The following CCDC178 variants were observed in gnomAD, a reference collection of about 807,000 sequenced individuals.
CCDC178 encodes the protein coiled-coil domain-containing protein 178.
CCDC178 carries 126 observed loss-of-function variants against 117.4 expected under a neutral mutation model. The ratio of observed to expected loss-of-function variants is 1.07; its 90% CI spans 0.93 to 1.24. The LOEUF (loss-of-function observed/expected upper bound fraction) is 1.24. Ranked by LOEUF, CCDC178 falls within the 50% of genes most tolerant of loss-of-function variation. The pLI, the probability that CCDC178 is intolerant of heterozygous loss-of-function variation, is 0.00. For synonymous variants in CCDC178, 283 were observed against 313.4 expected (o/e 0.90, Z 1.02); for missense variants, 1,030 against 986.9 (o/e 1.04, Z -0.59).
At chr18:33,394,951 A>ATATG (rs2063614075) in intron 4 of CCDC178, among the ~76,000 whole-genome samples, 1 of 111,832 alleles carries the variant, frequency 8.9e-6, no homozygotes, top group African/African-American at 3.6e-5. Context: ...GTGTATATAT[A>ATATG]TATATATATA....
chr18:33,154,183 T>C (rs547998684), intron 20 of CCDC178, among the ~76,000 whole-genome samples: 16 of 152,108 alleles, frequency 1.1e-4, no homozygotes, highest in African/African-American at 3.9e-4. Flanking sequence ...TGACCAAAAG[T>C]AGGCAGAACC....
At chr18:32,962,711 AT>A (rs962325092) in intron 22 of CCDC178, among the ~76,000 whole-genome samples, 2 of 151,538 alleles carry the variant, frequency 1.3e-5, no homozygotes, top group African/African-American at 4.8e-5. Flanking sequence ...TTACCTTGGT[AT>A]TTTTTTATGT....
chr18:33,194,057 G>A (rs928334414), intron 20 of CCDC178, among the ~76,000 whole-genome samples: 6 of 151,516 alleles, frequency 4.0e-5, no homozygotes, highest in Admixed American at 6.6e-5. Flanking sequence ...AACACCCTCC[G>A]AGGTCCCACC....
chr18:33,244,007 A>G (rs2059517930), intron 15 of CCDC178, among the ~76,000 whole-genome samples: 1 of 152,046 alleles, frequency 6.6e-6, no homozygotes. Flanking sequence ...ATGCATGCTT[A>G]CTTTGCTTAC....
In CCDC178 at chr18:33,223,175, C is replaced by G; in HGVS notation, c.1863G>C (p.Lys621Asn). Residue 621 changes from lysine to asparagine, a missense_variant, in exon 18 of 23, where the codon AAG becomes AAC. Coordinates refer to ENST00000383096, the MANE Select transcript of CCDC178 (RefSeq NM_001105528.4). The stretch of plus-strand genomic sequence containing the variant: ...GTAATTTTTTCTTTACTTTTCCCAC[C>G]TTTCTTCTAATAAGATCTTTCTGAT... Reference protein sequence around the residue: ...IIDQKDLIRRKVGKVKKKLRK... With the variant: ...IIDQKDLIRRNVGKVKKKLRK... 1 of 1,607,640 alleles carries G rather than the reference C, an allele frequency of 6.2e-7. No individual in the cohort carries two copies. The highest frequency in any genetic ancestry group is 1.7e-5 in the Admixed American group (1 of 59,646).
intron 21 of CCDC178, among the ~76,000 whole-genome samples, chr18:32,989,484 G>T (rs986440772): frequency 2.0e-5 from 3 of 152,108 alleles, no homozygotes; most frequent in African/African-American, 7.2e-5. Flanking sequence ...TCTGGAAAGA[G>T]CTAGATACTA....
rs150000349 is a variant in CCDC178 at position 33,329,657 on chromosome 18, G to A, written c.879+3517C>T. On this transcript the variant is annotated intron_variant, in intron 10 of 22. Coordinates refer to ENST00000383096, the MANE Select transcript of CCDC178 (RefSeq NM_001105528.4). ...GGGATAAATGCCATTTGTTCATGAT[G>A]TATAATCTTTTTAATATGCTGCTAG... 5.9e-5 allele frequency among the ~76,000 whole-genome samples: 9 copies of A among 152,216 alleles called. No individual in the cohort carries two copies. The East Asian group carries it at 1.7e-3, about 29-fold the overall frequency.
intron 12 of CCDC178, among the ~76,000 whole-genome samples, chr18:33,274,486 A>G (rs972583490): frequency 6.6e-6 from 1 of 151,956 alleles, no homozygotes; most frequent in African/African-American, 2.4e-5. Context: ...AGAGTCAAAA[A>G]AAGTGGAAAC....
At chr18:33,033,997 C>T (rs1347757294) in intron 21 of CCDC178, among the ~76,000 whole-genome samples, 1 of 151,634 alleles carries the variant, frequency 6.6e-6, no homozygotes, top group Non-Finnish European at 1.5e-5. Flanking sequence ...TTTGTAGATG[C>T]CAACCCACAC....
intron 11 of CCDC178, among the ~76,000 whole-genome samples, chr18:33,313,599 C>G (rs2062372200): frequency 2.0e-5 from 3 of 152,120 alleles, no homozygotes; most frequent in South Asian, 2.1e-4. Flanking sequence ...CCAGGAAGTC[C>G]TTTATAACTG....
chr18:33,011,996 T>G (rs533148446), intron 21 of CCDC178, among the ~76,000 whole-genome samples: 2 of 152,150 alleles, frequency 1.3e-5, no homozygotes, highest in South Asian at 4.2e-4. Context: ...ATGATTAACT[T>G]GGGCATGATC....
chr18:32,975,156 T>C (rs192598205), intron 21 of CCDC178, among the ~76,000 whole-genome samples: 212 of 152,334 alleles, frequency 1.4e-3, no homozygotes, highest in African/African-American at 4.8e-3. Flanking sequence ...AAGCTTACCA[T>C]TGCTTGGCAA....
At chr18:33,405,408 G>C (rs2063767653) in intron 3 of CCDC178, among the ~76,000 whole-genome samples, 1 of 151,138 alleles carries the variant, frequency 6.6e-6, no homozygotes, top group Non-Finnish European at 1.5e-5. Context: ...TTATATTCTA[G>C]TAAAATTTTA....
At chr18:33,406,225 G>T (rs2063778922) in intron 3 of CCDC178, among the ~76,000 whole-genome samples, 1 of 151,892 alleles carries the variant, frequency 6.6e-6, no homozygotes, top group East Asian at 1.9e-4. Context: ...ATTGTAAACG[G>T]GCTTAAATCA....
intron 21 of CCDC178, among the ~76,000 whole-genome samples, chr18:33,045,263 T>C (rs908648396): frequency 1.2e-4 from 18 of 152,186 alleles, no homozygotes; most frequent in Non-Finnish European, 2.1e-4. Context: ...ATTTAAACAA[T>C]ATTTATATAG....
chr18:33,317,090 A>T (rs1433862840), intron 11 of CCDC178, among the ~76,000 whole-genome samples: 1 of 152,182 alleles, frequency 6.6e-6, no homozygotes, highest in Non-Finnish European at 1.5e-5. Flanking sequence ...CCAAGCCAGC[A>T]GTGGCAACCT....
chr18:33,388,324 C>A (rs991395607), intron 5 of CCDC178, among the ~76,000 whole-genome samples: 2 of 152,044 alleles, frequency 1.3e-5, no homozygotes, highest in African/African-American at 2.4e-5. Flanking sequence ...AGATTTAGAA[C>A]CAGAAATACC....
intron 20 of CCDC178, among the ~76,000 whole-genome samples, chr18:33,112,609 T>C (rs559376042): frequency 6.6e-6 from 1 of 152,014 alleles, no homozygotes; most frequent in African/African-American, 2.4e-5. Context: ...AGCTCAGCAC[T>C]AGAAGAGTCT....
chr18:33,381,779 C>T lies in CCDC178; in HGVS notation c.208+7761G>A, dbSNP rs539953073. On this transcript the variant is annotated intron_variant, in intron 5 of 22. Coordinates refer to ENST00000383096, the MANE Select transcript of CCDC178 (RefSeq NM_001105528.4). ...GGCACGTACTTCCTTGTGTCATCTC[C>T]GCTGATACACTATGTAACTATTATT... 2.0e-3 allele frequency among the ~76,000 whole-genome samples: 306 copies of T among 152,094 alleles called. 2 individuals carry two copies. Among genetic ancestry groups the T allele is most frequent in the Middle Eastern group, 3.4e-3 (1 of 294 alleles).
Sources: allele counts gnomAD v4.1 joint callset (sites outside exome capture counted in the v4.1 genomes callset), GRCh38; gene constraint gnomAD v4.1.1; transcripts MANE v1.5; gene names NCBI Gene and HGNC (gene_info 2026-07-23, HGNC 2026-07-21).